Variants in GABRB1 observed in about 807,000 individuals in gnomAD.
GABRB1 encodes gamma-aminobutyric acid receptor subunit beta-1.
A neutral mutation model predicts 51.6 loss-of-function variants in GABRB1; 17 were observed. The ratio of observed to expected loss-of-function variants is 0.33; its 90% CI spans 0.23 to 0.49. The LOEUF (loss-of-function observed/expected upper bound fraction) is 0.49, where lower values mean the gene tolerates loss of function less well. Among genes scored for constraint, GABRB1 ranks in the 20% least tolerant of loss-of-function variants. The pLI is 0.99. For missense variants in GABRB1, 410 were observed against 600.6 expected, an observed-to-expected ratio of 0.68 and a Z score of 3.32; for synonymous variants, 247 against 218.9, an observed-to-expected ratio of 1.13 and a Z score of -1.14.
chr4:47,343,515 C>A (rs937792982), intron 5 of GABRB1, among the ~76,000 whole-genome samples: 7 of 152,130 alleles, frequency 4.6e-5, no homozygotes, highest in African/African-American at 7.2e-5. Flanking sequence ...GTTTTGATGA[C>A]CTTTCCAAAT....
In GABRB1 at chr4:47,209,799, T is replaced by TA. The variant is rs74761348; in HGVS notation, c.461+48343dup. On this transcript the variant is annotated intron_variant, in intron 4 of 8. Transcript: ENST00000295454. ...TACTGATTATAACAGGGTACTTTAGTAAAAAAAAAAAAATGTACAGTTTGT... is the reference window on the plus strand; with the variant it reads ...TACTGATTATAACAGGGTACTTTAGTAAAAAAAAAAAAAATGTACAGTTTGT... 4.2e-3 allele frequency among the ~76,000 whole-genome samples: 617 copies of TA among 145,722 alleles called. 2 individuals carry two copies. The highest frequency in any genetic ancestry group is 9.7e-3 in the African/African-American group (389 of 40,148).
chr4:47,018,145 C>G (rs957224391), intron 1 of GABRB1, among the ~76,000 whole-genome samples: 5 of 151,124 alleles, frequency 3.3e-5, no homozygotes, highest in Non-Finnish European at 5.9e-5. Flanking sequence ...CTTTCTTCTT[C>G]CTTTTTCCTC....
chr4:47,140,155 C>T (rs1436437339), intron 3 of GABRB1, among the ~76,000 whole-genome samples: 1 of 149,278 alleles, frequency 6.7e-6, no homozygotes, highest in Non-Finnish European at 1.5e-5. Flanking sequence ...ATTCCAAAGC[C>T]TGAAGGCAAA....
At chr4:47,237,514 T>C (rs911327881) in intron 4 of GABRB1, among the ~76,000 whole-genome samples, 1 of 151,996 alleles carries the variant, frequency 6.6e-6, no homozygotes, top group Non-Finnish European at 1.5e-5. Flanking sequence ...CTGAGGAAAA[T>C]GGAAAGATGA....
chr4:47,338,250 A>G (rs940571624), intron 5 of GABRB1, among the ~76,000 whole-genome samples: 40 of 152,158 alleles, frequency 2.6e-4, no homozygotes, highest in Non-Finnish European at 2.9e-5. Context: ...GGCTGTATTT[A>G]TCTAAGTTCC....
intron 4 of GABRB1, among the ~76,000 whole-genome samples, chr4:47,231,595 T>C (rs1045265720): frequency 9.9e-5 from 15 of 152,168 alleles, no homozygotes; most frequent in Non-Finnish European, 1.9e-4. Flanking sequence ...AAAAGTAACA[T>C]AACATTTTTT....
chr4:47,252,658 C>T (rs1348002519), intron 4 of GABRB1, among the ~76,000 whole-genome samples: 3 of 151,886 alleles, frequency 2.0e-5, no homozygotes, highest in African/African-American at 7.3e-5. Flanking sequence ...CAGGCACCCA[C>T]CACCATGCCT....
intron 3 of GABRB1, among the ~76,000 whole-genome samples, chr4:47,124,697 C>T (rs1326314168): frequency 6.6e-6 from 1 of 151,934 alleles, no homozygotes; most frequent in African/African-American, 2.4e-5. Flanking sequence ...AATTCTGGAG[C>T]TGAAAAATAT....
intron 3 of GABRB1, among the ~76,000 whole-genome samples, chr4:47,039,146 A>T (rs1426391205): frequency 6.6e-6 from 1 of 151,908 alleles, no homozygotes; most frequent in Non-Finnish European, 1.5e-5. Context: ...GCCACAAGAA[A>T]AAACTGAAAG....
intron 5 of GABRB1, among the ~76,000 whole-genome samples, chr4:47,394,374 AC>A (rs1417288617): frequency 2.0e-5 from 3 of 152,326 alleles, no homozygotes; most frequent in East Asian, 1.9e-4. Context: ...TCCCTCCTTA[AC>A]AAATACCCAT....
At chr4:47,106,722 C>T (rs2109618373) in intron 3 of GABRB1, among the ~76,000 whole-genome samples, 1 of 152,152 alleles carries the variant, frequency 6.6e-6, no homozygotes, top group South Asian at 2.1e-4. Flanking sequence ...ACTCATATTA[C>T]TCAGAAGCCT....
intron 4 of GABRB1, 142 bp from the exon 5 acceptor site, chr4:47,319,985 T>C (rs1218091665): frequency 2.9e-6 from 2 of 679,000 alleles, no homozygotes; most frequent in East Asian, 5.4e-5. Context: ...CGTATAATTA[T>C]TCATAATAGT....
chr4:47,346,377 G>A (rs1284430785), intron 5 of GABRB1, among the ~76,000 whole-genome samples: 1 of 152,130 alleles, frequency 6.6e-6, no homozygotes, highest in East Asian at 1.9e-4. Context: ...CCAATTAATG[G>A]GATACTGATC....
intron 3 of GABRB1, among the ~76,000 whole-genome samples, chr4:47,141,064 T>A (rs1162025545): frequency 1.3e-5 from 2 of 151,790 alleles, no homozygotes; most frequent in Admixed American, 6.6e-5. Context: ...TGGGTACCCA[T>A]CAGTTAGAGT....
intron 4 of GABRB1, among the ~76,000 whole-genome samples, chr4:47,208,305 A>C (rs1720218308): frequency 6.6e-6 from 1 of 152,084 alleles, no homozygotes; most frequent in African/African-American, 2.4e-5. Context: ...TGAGACAGGA[A>C]GTAGATTTGA....
intron 1 of GABRB1, among the ~76,000 whole-genome samples, chr4:47,023,268 T>A (rs1724979553): frequency 6.6e-6 from 1 of 151,970 alleles, no homozygotes; most frequent in African/African-American, 2.4e-5. Context: ...GATAGCAGAA[T>A]AAGGAGACTG....
In GABRB1 at chr4:47,053,832, C is replaced by T. The variant is rs115887715; in HGVS notation, c.240+21348C>T. On this transcript the variant is annotated intron_variant, in intron 3 of 8. Coordinates refer to ENST00000295454, the MANE Select transcript of GABRB1 (RefSeq NM_000812.4). ...AATCACAGTATCCGCCTATTACCCA[C>T]AGGGTAAGAAACACAGCTAAAATGA... Among the ~76,000 whole-genome samples, 777 of 152,318 alleles carry T rather than the reference C, an allele frequency of 5.1e-3. 3 individuals carry two copies. The highest frequency in any genetic ancestry group is 0.018 in the African/African-American group (730 of 41,574).
chr4:47,021,122 C>T (rs1285512896), intron 1 of GABRB1, among the ~76,000 whole-genome samples: 2 of 152,168 alleles, frequency 1.3e-5, no homozygotes, highest in African/African-American at 4.8e-5. Flanking sequence ...TCCACAGATT[C>T]CTATCTGCCA....
chr4:47,317,797 G>T (rs759122617), intron 4 of GABRB1, among the ~76,000 whole-genome samples: 10 of 151,472 alleles, frequency 6.6e-5, no homozygotes, highest in Non-Finnish European at 1.5e-4. Flanking sequence ...ATAGTTTAGC[G>T]CAAATGACCA....
Sources: gnomAD v4.1 joint callset for allele counts (sites outside exome capture counted in the v4.1 genomes callset) on GRCh38, gnomAD v4.1.1 for gene constraint, MANE v1.5 for transcripts, NCBI Gene and HGNC (gene_info 2026-07-23, HGNC 2026-07-21) for gene names.